The following USP34 variants were observed in gnomAD, a reference collection of about 807,000 sequenced individuals.
USP34 encodes the protein ubiquitin specific peptidase 34, also known as ubiquitin carboxyl-terminal hydrolase 34.
Under a neutral mutation model 460.3 loss-of-function variants are expected in USP34, and 70 were observed. The observed-to-expected ratio is 0.15, with a 90% CI of 0.13 to 0.19. The LOEUF (loss-of-function observed/expected upper bound fraction) is 0.19. Among genes scored for constraint, USP34 ranks in the 10% least tolerant of loss-of-function variants. The pLI, the probability that USP34 is intolerant of heterozygous loss-of-function variation, is 1.00. For missense variants in USP34, 3,985 were observed against 4,236.2 expected (o/e 0.94, Z 1.65); for synonymous variants, 1,647 against 1,405.3 (o/e 1.17, Z -3.85).
chr2:61,354,465 A>G (rs1692046105), intron 10 of USP34, among the ~76,000 whole-genome samples: 1 of 152,246 alleles, frequency 6.6e-6, no homozygotes, highest in Admixed American at 6.5e-5. Flanking sequence ...AGTTTGTGAC[A>G]CTTACACCTG....
intron 1 of USP34, among the ~76,000 whole-genome samples, chr2:61,460,114 A>T (rs1332377547): frequency 2.0e-5 from 3 of 152,168 alleles, no homozygotes; most frequent in Non-Finnish European, 1.5e-5. Flanking sequence ...GAGCACCCAC[A>T]TATTACTTAG....
intron 75 of USP34, among the ~76,000 whole-genome samples, chr2:61,201,462 C>T (rs1194746238): frequency 6.6e-6 from 1 of 152,154 alleles, no homozygotes; most frequent in African/African-American, 2.4e-5. Flanking sequence ...ATCCGCCCGC[C>T]TTGGCCTCCC....
intron 5 of USP34, among the ~76,000 whole-genome samples, chr2:61,390,803 A>G (rs184284195): frequency 2.2e-4 from 33 of 152,194 alleles, no homozygotes; most frequent in Admixed American, 5.9e-4. Context: ...GTTCTGAAAA[A>G]AAAAACTCAC....
In USP34 at chr2:61,348,199, G is replaced by A; in HGVS notation, c.1956C>T (p.Gly652=). 1.2e-6 allele frequency: 2 copies of A among 1,614,178 alleles called. No individual in the cohort carries two copies. The highest frequency in any genetic ancestry group is 1.7e-6 in the Non-Finnish European group (2 of 1,180,022). Residue 652 remains glycine, a synonymous_variant, in exon 15 of 80, where the codon GGC becomes GGT. Coordinates refer to ENST00000398571, the MANE Select transcript of USP34 (RefSeq NM_014709.4). ...LRNRKLESQA[G]ICLGDSQGMS... ...TGCCTTGGGAGTCCCCCAGGCAAAT[G>A]CCTGCTTGACTCTCTAACTTTCTAT...
chr2:61,365,065 A>G (rs1692389780), intron 10 of USP34, among the ~76,000 whole-genome samples: 1 of 152,154 alleles, frequency 6.6e-6, no homozygotes, highest in African/African-American at 2.4e-5. Flanking sequence ...CAGCCTGACC[A>G]ACATGGTGAA....
intron 23 of USP34, among the ~76,000 whole-genome samples, chr2:61,316,727 A>C (rs1690761619): frequency 6.6e-6 from 1 of 151,932 alleles, no homozygotes. Context: ...TATACTAAAA[A>C]TACAAAAATT....
intron 8 of USP34, among the ~76,000 whole-genome samples, chr2:61,371,855 T>A (rs1211860752): frequency 1.3e-5 from 2 of 152,168 alleles, no homozygotes; most frequent in Non-Finnish European, 2.9e-5. Context: ...TACAGTTAGA[T>A]ATGTTTAGAT....
At chr2:61,224,818 C>T (rs1341914942) in intron 62 of USP34, among the ~76,000 whole-genome samples, 1 of 152,210 alleles carries the variant, frequency 6.6e-6, no homozygotes, top group Non-Finnish European at 1.5e-5. Context: ...CAAAGCTGTT[C>T]AATCTATGAC....
chr2:61,421,210 A>G (rs1187619057), intron 1 of USP34, among the ~76,000 whole-genome samples: 2 of 152,142 alleles, frequency 1.3e-5, no homozygotes, highest in African/African-American at 4.8e-5. Flanking sequence ...AGGAGGAGAG[A>G]CCAAAGACTT....
rs145298683 is a variant in USP34, at chr2:61,295,775, A to G, written c.4255-485T>C. ...GCTATTACTAGTGCTACTGTAAGTC[A>G]TCATTTGGCATTTTGAAGAGCCCAT... On this transcript the variant is annotated intron_variant, in intron 30 of 79. Coordinates refer to ENST00000398571, the MANE Select transcript of USP34 (RefSeq NM_014709.4). Among the ~76,000 whole-genome samples the G allele has an allele frequency of 6.3e-3, 955 of 152,358 alleles. 9 individuals are homozygous for G. Among genetic ancestry groups the G allele is most frequent in the African/African-American group, 0.022 (897 of 41,584 alleles).
At chr2:61,307,912 G>C (rs1197511095) in intron 27 of USP34, among the ~76,000 whole-genome samples, 1 of 152,080 alleles carries the variant, frequency 6.6e-6, no homozygotes, top group Non-Finnish European at 1.5e-5. Flanking sequence ...AGCTGGGCAT[G>C]ATGGCCGGCA....
chr2:61,375,001 C>G (rs1692748392), intron 8 of USP34, among the ~76,000 whole-genome samples: 2 of 152,192 alleles, frequency 1.3e-5, no homozygotes, highest in East Asian at 1.9e-4. Context: ...CATACGACAA[C>G]AGCAGAATGT....
intron 10 of USP34, among the ~76,000 whole-genome samples, chr2:61,368,551 G>C (rs1268615775): frequency 6.6e-6 from 1 of 151,872 alleles, no homozygotes; most frequent in Non-Finnish European, 1.5e-5. Context: ...CACACAAATA[G>C]GTCAGTCTAG....
chr2:61,230,076 C>A (rs1377567055), intron 58 of USP34, among the ~76,000 whole-genome samples: 2 of 152,032 alleles, frequency 1.3e-5, no homozygotes, highest in Admixed American at 1.3e-4. Context: ...AATGTGTAAC[C>A]ATTTTGAGAA....
At chr2:61,277,793 G>A (rs1689415381) in intron 41 of USP34, 1 of 173,518 alleles carries the variant, frequency 5.8e-6, no homozygotes, top group Admixed American at 6.0e-5. Flanking sequence ...TTGTGGGAGG[G>A]ACCTGGTGGG....
Position 61,295,018 on chromosome 2 carries a change from A to G in USP34, c.4392T>C (p.Asp1464=). The G allele has an allele frequency of 6.2e-7, 1 of 1,612,264 alleles. No homozygotes were observed. Among genetic ancestry groups the G allele is most frequent in the Non-Finnish European group, 8.5e-7 (1 of 1,179,492 alleles). Residue 1464 remains aspartate (D), a synonymous_variant, in exon 32 of 80, where the codon GAT becomes GAC. Transcript: ENST00000398571. Reference sequence around the variant, plus strand: ...TTGAATCATCTGAATCTGGATAAAGATCACTGTAACTTCCCTATGAGAAAG... The same window carrying G: ...TTGAATCATCTGAATCTGGATAAAGGTCACTGTAACTTCCCTATGAGAAAG... The part of the protein sequence containing the change: ...IRRESTGSYS[D]LYPDSDDSSE...
chr2:61,194,103 G>A (rs887603057), intron 75 of USP34: 3 of 985,382 alleles, frequency 3.0e-6, no homozygotes, highest in East Asian at 1.1e-4. Context: ...CAAACCGTGG[G>A]TTAGACCAAG....
At chr2:61,317,157 A>G (rs1487197918) in intron 23 of USP34, among the ~76,000 whole-genome samples, 4 of 152,242 alleles carry the variant, frequency 2.6e-5, no homozygotes, top group Non-Finnish European at 5.9e-5. Flanking sequence ...AACATGTAAT[A>G]GATTTTCATT....
intron 1 of USP34, among the ~76,000 whole-genome samples, chr2:61,441,258 C>G (rs1694956388): frequency 6.6e-6 from 1 of 151,898 alleles, no homozygotes; most frequent in African/African-American, 2.4e-5. Flanking sequence ...CTGCCTCGGC[C>G]TCCCAAAGCA....
Sources: gnomAD v4.1 joint callset for allele counts (sites outside exome capture counted in the v4.1 genomes callset) on GRCh38, gnomAD v4.1.1 for gene constraint, MANE v1.5 for transcripts, NCBI Gene and HGNC (gene_info 2026-07-23, HGNC 2026-07-21) for gene names.